Variants in SDHAF3 observed in about 807,000 individuals in gnomAD.
SDHAF3 encodes succinate dehydrogenase complex assembly factor 3, also known as succinate dehydrogenase assembly factor 3, mitochondrial.
In SDHAF3, 18 loss-of-function variants were observed where a neutral mutation model predicts 11.5. The observed-to-expected ratio is 1.56, with a 90% CI of 1.08 to 2.32. The LOEUF (loss-of-function observed/expected upper bound fraction) is 2.32. Among genes scored for constraint, SDHAF3 ranks in the 30% most tolerant of loss-of-function variants. The pLI is 0.00. For synonymous variants in SDHAF3, 72 were observed against 59.3 expected (o/e 1.21, Z -0.99); for missense variants, 200 against 154.4 (o/e 1.30, Z -1.57).
chr7:97,118,005 G>A, intron 1 of SDHAF3, 108 bp downstream of exon 1: 1 of 1,323,372 alleles, frequency 7.6e-7, no homozygotes, highest in Non-Finnish European at 1.0e-6. Context: ...AACCTGTTCT[G>A]TTTGAAATAG....
chr7:97,137,110 C>T (rs1010573821), intron 1 of SDHAF3, among the ~76,000 whole-genome samples: 3 of 151,968 alleles, frequency 2.0e-5, no homozygotes, highest in Admixed American at 6.6e-5. Flanking sequence ...AAAGTATATA[C>T]GAACTAAAGC....
At chr7:97,174,234 A>G (rs531571570) in intron 1 of SDHAF3, among the ~76,000 whole-genome samples, 35 of 152,328 alleles carry the variant, frequency 2.3e-4, no homozygotes, top group African/African-American at 7.9e-4. Flanking sequence ...CAAATAAGAA[A>G]GTATTATAAT....
chr7:97,151,722 A>G (rs2115693816), intron 1 of SDHAF3, among the ~76,000 whole-genome samples: 1 of 152,128 alleles, frequency 6.6e-6, no homozygotes, highest in South Asian at 2.1e-4. Context: ...GATGGTCCCA[A>G]TCTTCTGACC....
chr7:97,175,722 T>C (rs966564628), intron 1 of SDHAF3, among the ~76,000 whole-genome samples: 2 of 152,232 alleles, frequency 1.3e-5, no homozygotes, highest in Non-Finnish European at 2.9e-5. Context: ...GACAAACTGG[T>C]ACTACAGCTT....
At chr7:97,150,040 GCTCATCCATAAGAGAGAA>G (rs1464429350) in intron 1 of SDHAF3, among the ~76,000 whole-genome samples, 3 of 152,132 alleles carry the variant, frequency 2.0e-5, no homozygotes, top group African/African-American at 7.2e-5. Context: ...CACTTTCTTT[GCTCATCCATAAGAGAGAA>G]CTCAGCCATT....
chr7:97,130,019 G>A (rs1313730923), intron 1 of SDHAF3, among the ~76,000 whole-genome samples: 2 of 152,168 alleles, frequency 1.3e-5, no homozygotes, highest in Non-Finnish European at 2.9e-5. Context: ...ATCAGGATGA[G>A]GAGAAGGCAG....
At chr7:97,176,682 GTCTT>G (rs2115751408) in intron 1 of SDHAF3, among the ~76,000 whole-genome samples, 1 of 152,198 alleles carries the variant, frequency 6.6e-6, no homozygotes, top group Non-Finnish European at 1.5e-5. Context: ...CTTTTCGTGA[GTCTT>G]TCTACCCAAG....
chr7:97,147,067 A>C (rs1202200446), intron 1 of SDHAF3, among the ~76,000 whole-genome samples: 1 of 152,156 alleles, frequency 6.6e-6, no homozygotes, highest in East Asian at 1.9e-4. Flanking sequence ...GTCTCCATTT[A>C]GATTAGTTTT....
chr7:97,130,295 G>A (rs73708864), intron 1 of SDHAF3, among the ~76,000 whole-genome samples: 1,797 of 149,198 alleles, frequency 0.012, 39 homozygotes, highest in African/African-American at 0.041. Context: ...AAACCTTGAT[G>A]TAGAAAACAT....
intron 1 of SDHAF3, among the ~76,000 whole-genome samples, chr7:97,123,490 T>C (rs1791530767): frequency 6.6e-6 from 1 of 152,216 alleles, no homozygotes; most frequent in Non-Finnish European, 1.5e-5. Context: ...GAATGATTTA[T>C]AATCCTTTGG....
chr7:97,130,914 T>G (rs1367816232), intron 1 of SDHAF3, among the ~76,000 whole-genome samples: 1 of 152,188 alleles, frequency 6.6e-6, no homozygotes. Context: ...ACCATTTGAT[T>G]GGCTGAAAAG....
intron 1 of SDHAF3, among the ~76,000 whole-genome samples, chr7:97,177,992 C>T (rs750661307): frequency 2.6e-5 from 4 of 152,136 alleles, no homozygotes; most frequent in Non-Finnish European, 5.9e-5. Context: ...GTAAATGATA[C>T]ATTGTAGAGA....
chr7:97,180,053 G>A (rs2115759616), intron 1 of SDHAF3, among the ~76,000 whole-genome samples: 1 of 152,294 alleles, frequency 6.6e-6, no homozygotes, highest in East Asian at 1.9e-4. Context: ...GAGTGAGTCT[G>A]TTTCAAAACA....
In SDHAF3 at chr7:97,180,911, T is replaced by G. The variant is rs17168220; in HGVS notation, c.175-101T>G. ...CTTAACCAAATGCTTCTGCATTTAC[T>G]GATGAGGAAAAATAGGTGACTCAGA... is the stretch of plus-strand genomic sequence containing the variant. On this transcript the variant is annotated intron_variant, in intron 1 of 1. Transcript: ENST00000432641. 2,126 of 982,642 alleles carry G rather than the reference T, an allele frequency of 2.2e-3. 36 individuals carry two copies. The African/African-American group carries it at 0.031, about 14-fold the overall frequency. The allele number at this position is 982,642 out of a possible 1,614,324, so 60.9% of individuals were successfully genotyped here.
At chr7:97,118,776 C>T (rs1323186187) in intron 1 of SDHAF3, among the ~76,000 whole-genome samples, 1 of 151,448 alleles carries the variant, frequency 6.6e-6, no homozygotes, top group Admixed American at 6.6e-5. Context: ...TGACTGAAGT[C>T]GGCTTTGTAA....
chr7:97,152,308 C>T (rs1789237413), intron 1 of SDHAF3, among the ~76,000 whole-genome samples: 1 of 152,136 alleles, frequency 6.6e-6, no homozygotes, highest in South Asian at 2.1e-4. Flanking sequence ...TATCAGCCTC[C>T]CTGAAAATTT....
chr7:97,126,110 C>G (rs1791569268), intron 1 of SDHAF3, among the ~76,000 whole-genome samples: 1 of 152,192 alleles, frequency 6.6e-6, no homozygotes, highest in Admixed American at 6.5e-5. Flanking sequence ...CCCTATTTGC[C>G]TGGGTATTAC....
intron 1 of SDHAF3, among the ~76,000 whole-genome samples, chr7:97,159,491 T>G (rs1669211589): frequency 6.6e-6 from 1 of 152,192 alleles, no homozygotes; most frequent in African/African-American, 2.4e-5. Context: ...TTTGTTGAAG[T>G]TTCCCAAATA....
rs71131003 is a variant in SDHAF3 at position 97,142,042 on chromosome 7, C to CTTTTTT, written c.174+24169_174+24174dup. ...AGCAATGAAATGTGTGAATTGTTGT[C>CTTTTTT]TTTTTTTTTTTTTTTTTTTTTTTTT... On this transcript the variant is annotated intron_variant, in intron 1 of 1. Transcript: ENST00000432641. Among the ~76,000 whole-genome samples the CTTTTTT allele has an allele frequency of 2.0e-3, 126 of 61,698 alleles. 14 individuals are homozygous for CTTTTTT. The highest frequency in any genetic ancestry group is 5.5e-3 in the African/African-American group (88 of 15,994). The allele number at this position is 61,698 out of a possible 152,430, so 40.5% of individuals were successfully genotyped here.
Sources: gnomAD v4.1 joint callset for allele counts (sites outside exome capture counted in the v4.1 genomes callset) on GRCh38, gnomAD v4.1.1 for gene constraint, MANE v1.5 for transcripts, NCBI Gene and HGNC (gene_info 2026-07-23, HGNC 2026-07-21) for gene names.